ATP10B: variants seen among roughly 807,000 people sequenced by gnomAD.
ATP10B encodes phospholipid-transporting ATPase VB.
In ATP10B, 122 loss-of-function variants were observed where a neutral mutation model predicts 141.2. The ratio of observed to expected loss-of-function variants is 0.86; its 90% CI spans 0.75 to 1.00. The LOEUF is 1.00. Ranked by LOEUF, ATP10B falls within the 50% of genes least tolerant of loss-of-function variation. The pLI is 0.00. For missense variants in ATP10B, 1,876 were observed against 1,825.3 expected (o/e 1.03, Z -0.51); for synonymous variants, 685 against 692.0 (o/e 0.99, Z 0.16).
At chr5:160,904,150 C>T in the ATP10B span, among the ~76,000 whole-genome samples, 3 of 151,816 alleles carry the variant, frequency 2.0e-5, no homozygotes, top group Non-Finnish European at 4.4e-5. Context: ...TTTACTATCA[C>T]GAAGTTGGAT....
intron 1 of ATP10B, among the ~76,000 whole-genome samples, chr5:160,787,124 A>ACAC (rs556039954): frequency 6.5e-4 from 97 of 148,382 alleles, no homozygotes; most frequent in South Asian, 1.3e-3. Context: ...ACACACACAC[A>ACAC]CACACACACA....
chr5:160,715,384 G>A (rs1237286507), intron 3 of ATP10B, among the ~76,000 whole-genome samples: 1 of 141,974 alleles, frequency 7.0e-6, no homozygotes, highest in African/African-American at 2.6e-5. Flanking sequence ...TTTTCCAGGT[G>A]CGTCCGTCAC....
intron 7 of ATP10B, among the ~76,000 whole-genome samples, chr5:160,663,174 C>G (rs1434137381): frequency 6.6e-6 from 1 of 152,100 alleles, no homozygotes; most frequent in African/African-American, 2.4e-5. Context: ...AATAGGAACA[C>G]TTTTACACTG....
chr5:160,571,361 T>C (rs1386820706), intron 24 of ATP10B, among the ~76,000 whole-genome samples: 1 of 152,208 alleles, frequency 6.6e-6, no homozygotes. Context: ...CTTATAGTTA[T>C]TGTAGTCTTT....
chr5:160,928,143 T>C, the ATP10B span, among the ~76,000 whole-genome samples: 3 of 152,156 alleles, frequency 2.0e-5, no homozygotes, highest in Admixed American at 2.0e-4. Flanking sequence ...ACTGGCTCGG[T>C]GTCCAGCTCT....
chr5:160,881,290 C>G, the ATP10B span, among the ~76,000 whole-genome samples: 3 of 152,120 alleles, frequency 2.0e-5, no homozygotes, highest in Non-Finnish European at 4.4e-5. Flanking sequence ...AATGACAACA[C>G]CAAATGCTAA....
At chr5:160,707,919 G>C (rs776072384) in intron 3 of ATP10B, among the ~76,000 whole-genome samples, 1 of 152,204 alleles carries the variant, frequency 6.6e-6, no homozygotes, top group East Asian at 1.9e-4. Context: ...AAGAATGATA[G>C]AGTGATGTCC....
intron 1 of ATP10B, among the ~76,000 whole-genome samples, chr5:160,794,775 TCA>T (rs976056100): frequency 1.2e-4 from 18 of 152,344 alleles, no homozygotes; most frequent in African/African-American, 3.8e-4. Flanking sequence ...CATCTAAATT[TCA>T]CAGACCTTTT....
At chr5:160,926,507 A>C in the ATP10B span, among the ~76,000 whole-genome samples, 1 of 152,260 alleles carries the variant, frequency 6.6e-6, no homozygotes, top group Non-Finnish European at 1.5e-5. Flanking sequence ...AAACAGGATC[A>C]CAGGAGCCAA....
At chr5:160,565,968 G>A in intron 25 of ATP10B, 68 bp from the exon 26 acceptor site, 2 of 1,449,232 alleles carry the variant, frequency 1.4e-6, no homozygotes, top group South Asian at 1.4e-5. Flanking sequence ...AGCATTAAAA[G>A]ATAGTCTTTA....
intron 12 of ATP10B, 78 bp from the exon 13 acceptor site, chr5:160,632,445 G>A (rs1759002490): frequency 1.4e-6 from 2 of 1,392,436 alleles, no homozygotes; most frequent in African/African-American, 2.8e-5. Flanking sequence ...ACTTTGTGTG[G>A]GGGGTGGTAA....
chr5:160,910,095 C>T, the ATP10B span, among the ~76,000 whole-genome samples: 171 of 152,212 alleles, frequency 1.1e-3, 1 homozygote, highest in Non-Finnish European at 2.1e-3. Context: ...CTCCTTATCC[C>T]GCCCCTCCCT....
chr5:160,716,039 GTGCACA>G (rs1765632845), intron 3 of ATP10B, among the ~76,000 whole-genome samples: 2 of 152,122 alleles, frequency 1.3e-5, no homozygotes, highest in South Asian at 4.2e-4. Flanking sequence ...CGTGTTGAAA[GTGCACA>G]TGTTCTTAGA....
intron 2 of ATP10B, among the ~76,000 whole-genome samples, chr5:160,740,071 A>G (rs747098002): frequency 2.0e-4 from 30 of 152,260 alleles, no homozygotes; most frequent in Admixed American, 5.2e-4. Context: ...CATAGTCACC[A>G]TAGTAATAAC....
chr5:160,686,050 A>C, intron 6 of ATP10B, 29 bp downstream of exon 6: 2 of 1,503,386 alleles, frequency 1.3e-6, no homozygotes, highest in Non-Finnish European at 1.8e-6. Flanking sequence ...CCCATTTGCA[A>C]GAGAGAACAC....
intron 21 of ATP10B, among the ~76,000 whole-genome samples, chr5:160,601,415 G>C (rs1294625914): frequency 2.0e-5 from 3 of 152,048 alleles, no homozygotes; most frequent in African/African-American, 7.2e-5. Flanking sequence ...GGAAATCTTG[G>C]GGTTTATTAA....
intron 6 of ATP10B, among the ~76,000 whole-genome samples, chr5:160,682,216 G>T (rs537486334): frequency 6.6e-6 from 1 of 152,182 alleles, no homozygotes; most frequent in Non-Finnish European, 1.5e-5. Context: ...AGATGAACAG[G>T]TTTCTTTGCT....
chr5:160,645,137 G>A (rs62390684), intron 8 of ATP10B, among the ~76,000 whole-genome samples: 47 of 149,188 alleles, frequency 3.2e-4, no homozygotes, highest in Non-Finnish European at 8.9e-5. Context: ...AAAAAAAAGG[G>A]CAAGGGGCTG....
chr5:160,778,876 C>T (rs1470691149), intron 2 of ATP10B, among the ~76,000 whole-genome samples: 3 of 152,108 alleles, frequency 2.0e-5, no homozygotes, highest in African/African-American at 7.2e-5. Flanking sequence ...AAGCTCTGTT[C>T]CTTATTAGCT....
Sources: gnomAD v4.1 joint callset for allele counts (sites outside exome capture counted in the v4.1 genomes callset) on GRCh38, gnomAD v4.1.1 for gene constraint, MANE v1.5 for transcripts, NCBI Gene and HGNC (gene_info 2026-07-23, HGNC 2026-07-21) for gene names.